ITSN2: variants seen among roughly 807,000 people sequenced by gnomAD.
ITSN2 encodes the protein intersectin 2, also known as intersectin-2.
A neutral mutation model predicts 243.7 loss-of-function variants in ITSN2; 156 were observed. The ratio of observed to expected loss-of-function variants is 0.64; its 90% CI spans 0.56 to 0.73. The LOEUF (loss-of-function observed/expected upper bound fraction) is 0.73. Among genes scored for constraint, ITSN2 ranks in the 30% least tolerant of loss-of-function variants. The pLI, the probability that ITSN2 is intolerant of heterozygous loss-of-function variation, is 0.00. For synonymous variants in ITSN2, 703 were observed against 699.9 expected (o/e 1.00, Z -0.07); for missense variants, 1,801 against 1,996.1 (o/e 0.90, Z 1.86).
At chr2:24,337,273 ATATG>A (rs66988491) in intron 1 of ITSN2, among the ~76,000 whole-genome samples, 74,243 of 98,484 alleles carry the variant, frequency 0.75, 26,713 homozygotes, top group East Asian at 0.83. Flanking sequence ...GTGTGTGTCT[ATATG>A]TATGTATGTG....
chr2:24,284,883 A>G, intron 16 of ITSN2, 40 bp from the exon 17 acceptor site: 1 of 933,882 alleles, frequency 1.1e-6, no homozygotes, highest in Non-Finnish European at 1.6e-6. Context: ...TAAACTACGT[A>G]CAGAATTTTT....
chr2:24,265,927 T>TG (rs753702327), intron 20 of ITSN2, among the ~76,000 whole-genome samples: 9 of 152,226 alleles, frequency 5.9e-5, no homozygotes, highest in South Asian at 2.1e-4. Context: ...CCATGCTACC[T>TG]GGTTATCCTT....
rs752698156 is a variant in ITSN2, at chr2:24,221,007, A to G, written c.3637T>C (p.Tyr1213His). 6.2e-7 allele frequency: 1 copy of G among 1,610,098 alleles called. No homozygotes were observed. The highest frequency in any genetic ancestry group is 2.2e-5 in the East Asian group (1 of 44,498). The stretch of plus-strand genomic sequence containing the variant: ...TCGGTCTGAATCAGCTCATGAATAT[A>G]GCCCTGTCTTTTCCTCTCAATTGGC... ...MQPIERKRQGYIHELIQTEER... is the reference protein window; with the variant it reads ...MQPIERKRQGHIHELIQTEER... Residue 1213 changes from tyrosine to histidine, a missense_variant, in exon 30 of 40, where the codon TAT (tyrosine) becomes CAT (histidine). Around this residue, in one of 5 missense-constraint regions of ITSN2, gnomAD observed 928 missense variants for 1,065.4 expected, o/e 0.87. Coordinates refer to ENST00000355123, the MANE Select transcript of ITSN2 (RefSeq NM_006277.3).
chr2:24,203,285 G>A lies in ITSN2; in HGVS notation c.*341C>T, dbSNP rs1668509642. 1.6e-5 allele frequency: 3 copies of A among 190,916 alleles called. No individual in the cohort carries two copies. The Admixed American group carries it at 1.6e-4, about 10-fold the overall frequency. The allele number at this position is 190,916 out of a possible 1,614,324, so 11.8% of individuals were successfully genotyped here. ...CAGCGTCACCAAACCACTCCACGGT[G>A]GACACATTCAACCGAGCGGTAACAT... is the stretch of plus-strand genomic sequence containing the variant. On this transcript the variant is annotated 3_prime_UTR_variant, in exon 40 of 40. Transcript: ENST00000355123.
intron 17 of ITSN2, among the ~76,000 whole-genome samples, chr2:24,278,592 G>A (rs1465982286): frequency 6.8e-6 from 1 of 146,240 alleles, no homozygotes; most frequent in Non-Finnish European, 1.5e-5. Flanking sequence ...ACACATAATA[G>A]TTAAGCAAGA....
chr2:24,248,982 C>A lies in ITSN2; in HGVS notation c.3121-100G>T, dbSNP rs1574000651. On this transcript the variant is annotated intron_variant, in intron 25 of 39. Coordinates refer to ENST00000355123, the MANE Select transcript of ITSN2 (RefSeq NM_006277.3). ...TTAGAGATTTCAAATTCCCAGGATT[C>A]TTTTCTCTTTAAATGAAGATGAAAA... 1.2e-5 allele frequency: 14 copies of A among 1,175,664 alleles called. No individual in the cohort carries two copies. In the East Asian group the frequency reaches 3.3e-4, roughly 28 times the overall value. The allele number at this position is 1,175,664 out of a possible 1,614,324, so 72.8% of individuals were successfully genotyped here.
In ITSN2 at chr2:24,203,498, C is replaced by A; in HGVS notation, c.*128G>T. ...CTATTTAGTGTGCAGGAAAACAGAG[C>A]CCCCAGCGTGCATGGCTTTGTGAGG... is the stretch of plus-strand genomic sequence containing the variant. On this transcript the variant is annotated 3_prime_UTR_variant, in exon 40 of 40. Coordinates refer to ENST00000355123, the MANE Select transcript of ITSN2 (RefSeq NM_006277.3). 1.1e-6 allele frequency: 1 copy of A among 886,892 alleles called. No homozygotes were observed. Among genetic ancestry groups the A allele is most frequent in the Non-Finnish European group, 1.7e-6 (1 of 596,850 alleles). The allele number at this position is 886,892 out of a possible 1,614,324, so 54.9% of individuals were successfully genotyped here.
chr2:24,309,127 A>G (rs1682924047), intron 7 of ITSN2, among the ~76,000 whole-genome samples: 1 of 152,274 alleles, frequency 6.6e-6, no homozygotes, highest in Admixed American at 6.5e-5. Flanking sequence ...ACTGTCTTCT[A>G]TGAAACCAGT....
rs1686145952 is a variant in ITSN2 at position 24,334,578 on chromosome 2, G to A, written c.-33-6463C>T. 5.0e-6 allele frequency: 5 copies of A among 996,772 alleles called. 1 individual carries two copies. The highest frequency in any genetic ancestry group is 3.1e-6 in the Non-Finnish European group (2 of 642,612). 61.7% of individuals were successfully genotyped at this position (996,772 alleles called of 1,614,324 possible). A position where few individuals can be genotyped will look rare whatever the true frequency, so the allele number is the denominator to read the frequency against. On this transcript the variant is annotated intron_variant, in intron 1 of 39. Coordinates refer to ENST00000355123, the MANE Select transcript of ITSN2 (RefSeq NM_006277.3). Reference sequence around the variant, plus strand: ...GTGTGGCAAGCACCAACCCTGCAAAGTGACACAGTACAAGAAGGGCAAGAA... The same window carrying A: ...GTGTGGCAAGCACCAACCCTGCAAAATGACACAGTACAAGAAGGGCAAGAA...
rs1317741522 is a variant in ITSN2, at chr2:24,204,118, T to C, written c.4936+127A>G. On this transcript the variant is annotated intron_variant, in intron 39 of 39. Coordinates refer to ENST00000355123, the MANE Select transcript of ITSN2 (RefSeq NM_006277.3). The surrounding 1 kb of genome is among the most constrained non-coding windows in gnomAD (Gnocchi z 5.1). ...CCACCCACCTGCTGCCAAAGCGAGA[T>C]GACACAGGCCTGTGTCACTTCCCTG... 4 of 934,252 alleles carry C rather than the reference T, an allele frequency of 4.3e-6. No homozygotes were observed. The highest frequency in any genetic ancestry group is 2.4e-5 in the Admixed American group (1 of 41,220). 57.9% of individuals were successfully genotyped at this position (934,252 alleles called of 1,614,324 possible).
In ITSN2 at chr2:24,212,868, C is replaced by T. The variant is rs561968053; in HGVS notation, c.3991-120G>A. On this transcript the variant is annotated intron_variant, in intron 32 of 39. Transcript: ENST00000355123. ...TTTATTTATGTTTCTCCCTGTCTTA[C>T]TGTTTTAGAATTTTTTTTAGGTGAG... is the stretch of plus-strand genomic sequence containing the variant. 11 of 830,178 alleles carry T rather than the reference C, an allele frequency of 1.3e-5. No homozygotes were observed. In the East Asian group the frequency reaches 2.7e-4, roughly 20 times the overall value. 51.4% of individuals were successfully genotyped at this position (830,178 alleles called of 1,614,324 possible).
intron 23 of ITSN2, among the ~76,000 whole-genome samples, chr2:24,256,924 G>C (rs748702946): frequency 6.6e-6 from 1 of 152,196 alleles, no homozygotes; most frequent in Admixed American, 6.5e-5. Context: ...GCAAAGAGGA[G>C]GCCCTCAGTA....
At chr2:24,246,700 C>T (rs1213050309) in intron 28 of ITSN2, 97 bp downstream of exon 28, 1 of 767,892 alleles carries the variant, frequency 1.3e-6, no homozygotes, top group Non-Finnish European at 2.2e-6. Context: ...GGAAAGAACA[C>T]ATTTTTAATG....
intron 14 of ITSN2, among the ~76,000 whole-genome samples, 192 bp from the exon 15 acceptor site, chr2:24,293,967 T>C (rs916841193): frequency 4.4e-4 from 67 of 152,194 alleles, no homozygotes; most frequent in Non-Finnish European, 1.6e-4. Context: ...CCAAAATCAA[T>C]TTTGAGTGAC....
chr2:24,311,876 T>A (rs553883089), intron 5 of ITSN2, among the ~76,000 whole-genome samples: 6 of 152,158 alleles, frequency 3.9e-5, no homozygotes, highest in Non-Finnish European at 5.9e-5. Flanking sequence ...TACTCACATA[T>A]ATATAGAGAG....
chr2:24,351,207 A>G (rs1687993646), intron 1 of ITSN2, among the ~76,000 whole-genome samples: 1 of 152,112 alleles, frequency 6.6e-6, no homozygotes, highest in Non-Finnish European at 1.5e-5. Flanking sequence ...TTCCTTTGCC[A>G]CAGTCCCATT....
chr2:24,339,457 T>G, intron 1 of ITSN2, among the ~76,000 whole-genome samples: 2 of 140,226 alleles, frequency 1.4e-5, no homozygotes. Flanking sequence ...AGCGACAGAG[T>G]GAGACGCCGT....
Position 24,261,268 on chromosome 2 carries a change from T to C in ITSN2, c.2538-18A>G, listed in dbSNP as rs781287917. On this transcript the variant is annotated intron_variant, in intron 21 of 39. Coordinates refer to ENST00000355123, the MANE Select transcript of ITSN2 (RefSeq NM_006277.3). Reference sequence around the variant, plus strand: ...AAAGTGGTCTGCAAATATAACACTTTGATATAAGTATATTTATTTGTTTAG... The same window carrying C: ...AAAGTGGTCTGCAAATATAACACTTCGATATAAGTATATTTATTTGTTTAG... The C allele has an allele frequency of 1.3e-6, 2 of 1,580,598 alleles. No individual in the cohort carries two copies. Among genetic ancestry groups the C allele is most frequent in the Admixed American group, 1.7e-5 (1 of 59,464 alleles).
At chr2:24,272,420 C>T (rs1013826218) in intron 18 of ITSN2, among the ~76,000 whole-genome samples, 1 of 149,208 alleles carries the variant, frequency 6.7e-6, no homozygotes, top group African/African-American at 2.5e-5. Context: ...AGAAAAACAA[C>T]CTACTTTTTT....
Sources: allele counts gnomAD v4.1 joint callset (sites outside exome capture counted in the v4.1 genomes callset), GRCh38; gene constraint gnomAD v4.1.1; regional missense constraint gnomAD v4.1.1; non-coding constraint Gnocchi (gnomAD v3.1); transcripts MANE v1.5; gene names NCBI Gene and HGNC (gene_info 2026-07-23, HGNC 2026-07-21).